Variants in CCDC7 observed in about 807,000 individuals in gnomAD.
CCDC7 encodes coiled-coil domain-containing protein 7.
A neutral mutation model predicts 196.9 loss-of-function variants in CCDC7; 183 were observed. That is an observed-to-expected ratio of 0.93 (90% CI 0.82 to 1.05). CCDC7 has a LOEUF of 1.05. CCDC7 is among the 50% of genes least tolerant of loss of function. The probability of loss-of-function intolerance (pLI) is 0.00; values close to 1 mark genes in which losing one functional copy is unlikely to be tolerated. For synonymous variants in CCDC7, 525 were observed against 484.6 expected (o/e 1.08, Z -1.10); for missense variants, 1,540 against 1,482.2 (o/e 1.04, Z -0.64).
intron 41 of CCDC7, among the ~76,000 whole-genome samples, chr10:32,864,926 C>T (rs1191963774): frequency 6.6e-6 from 1 of 151,806 alleles, no homozygotes; most frequent in African/African-American, 2.4e-5. Context: ...TGTGTAACCA[C>T]CAAATAAACC....
At chr10:32,477,054 A>T (rs1173020982) in intron 8 of CCDC7, among the ~76,000 whole-genome samples, 1 of 66,832 alleles carries the variant, frequency 1.5e-5, no homozygotes, top group Non-Finnish European at 3.2e-5. Flanking sequence ...GAATAAAGTC[A>T]AACTTAACAT....
At chr10:32,565,389 C>A (rs1227208848) in intron 13 of CCDC7, among the ~76,000 whole-genome samples, 169 bp from the exon 15 acceptor site, 2 of 152,198 alleles carry the variant, frequency 1.3e-5, no homozygotes, top group East Asian at 3.8e-4. Context: ...CAATAGGAAG[C>A]TTTAGCTTCA....
intron 18 of CCDC7, among the ~76,000 whole-genome samples, chr10:32,591,943 G>A (rs1047354235): frequency 5.9e-5 from 9 of 152,150 alleles, no homozygotes; most frequent in Non-Finnish European, 1.3e-4. Context: ...CTGTTTTTTG[G>A]TTCTTATGAA....
chr10:32,555,651 G>A (rs1049960744), intron 13 of CCDC7, among the ~76,000 whole-genome samples: 8 of 151,966 alleles, frequency 5.3e-5, no homozygotes, highest in Non-Finnish European at 1.2e-4. Flanking sequence ...AAAAATTGTT[G>A]GTAGCCATTT....
intron 24 of CCDC7, among the ~76,000 whole-genome samples, chr10:32,711,115 G>GGTGT (rs201148511): frequency 6.9e-6 from 1 of 145,858 alleles, no homozygotes; most frequent in East Asian, 2.0e-4. Context: ...CATTGTTTCT[G>GGTGT]GTGTGTGTGT....
At chr10:32,480,013 T>C (rs921124118) in intron 8 of CCDC7, among the ~76,000 whole-genome samples, 1 of 152,106 alleles carries the variant, frequency 6.6e-6, no homozygotes, top group Non-Finnish European at 1.5e-5. Flanking sequence ...CACAGTAGTC[T>C]TTATCCTTTG....
At chr10:32,493,736 G>T (rs556974026) in intron 9 of CCDC7, among the ~76,000 whole-genome samples, 37 of 151,578 alleles carry the variant, frequency 2.4e-4, no homozygotes, top group African/African-American at 8.2e-4. Flanking sequence ...CATTTTTTTT[G>T]ATAACAGATG....
chr10:32,559,880 C>T (rs1370622273), intron 13 of CCDC7, among the ~76,000 whole-genome samples: 3 of 152,088 alleles, frequency 2.0e-5, no homozygotes, highest in Non-Finnish European at 2.9e-5. Flanking sequence ...CTCTGAGCTA[C>T]AGTAGGAAAT....
intron 9 of CCDC7, among the ~76,000 whole-genome samples, chr10:32,500,854 G>A (rs1172123433): frequency 1.3e-5 from 2 of 152,200 alleles, no homozygotes; most frequent in Non-Finnish European, 2.9e-5. Context: ...AGACCAGCCC[G>A]GCCAACACGG....
intron 23 of CCDC7, among the ~76,000 whole-genome samples, chr10:32,692,165 T>C (rs2077163772): frequency 6.6e-6 from 1 of 152,218 alleles, no homozygotes. Flanking sequence ...TTACAGGCTG[T>C]CCACCATTTT....
intron 18 of CCDC7, among the ~76,000 whole-genome samples, chr10:32,625,577 T>C (rs1325355597): frequency 6.6e-6 from 1 of 152,038 alleles, no homozygotes; most frequent in Non-Finnish European, 1.5e-5. Context: ...AAATATCACT[T>C]TTTATAGTGA....
chr10:32,681,863 C>T (rs1240734587), intron 21 of CCDC7, among the ~76,000 whole-genome samples: 1 of 151,468 alleles, frequency 6.6e-6, no homozygotes, highest in Non-Finnish European at 1.5e-5. Flanking sequence ...ATTTAGAATT[C>T]ATGGCAAATC....
intron 28 of CCDC7, among the ~76,000 whole-genome samples, chr10:32,745,587 A>C (rs1368694151): frequency 6.6e-6 from 1 of 152,180 alleles, no homozygotes; most frequent in African/African-American, 2.4e-5. Context: ...GACATTCATG[A>C]GGGACCTGCC....
chr10:32,537,126 TAA>T (rs1359009810), intron 11 of CCDC7, among the ~76,000 whole-genome samples: 1 of 152,172 alleles, frequency 6.6e-6, no homozygotes, highest in Non-Finnish European at 1.5e-5. Flanking sequence ...CAGCAGTGCA[TAA>T]GTCTTCCCTT....
At chr10:32,798,030 G>A (rs1248989505) in intron 29 of CCDC7, among the ~76,000 whole-genome samples, 25 of 152,156 alleles carry the variant, frequency 1.6e-4, no homozygotes, top group Non-Finnish European at 5.9e-5. Flanking sequence ...GAATACCTTG[G>A]TCAGAGGCAA....
At chr10:32,681,162 A>C (rs534044439) in intron 21 of CCDC7, among the ~76,000 whole-genome samples, 2 of 152,168 alleles carry the variant, frequency 1.3e-5, no homozygotes, top group Non-Finnish European at 2.9e-5. Flanking sequence ...TCACTCTCTC[A>C]GCTAGTAAGT....
chr10:32,731,811 T>C (rs2132802630), intron 28 of CCDC7, among the ~76,000 whole-genome samples: 1 of 152,312 alleles, frequency 6.6e-6, no homozygotes, highest in East Asian at 1.9e-4. Context: ...CCCAGCACTT[T>C]GGGAAGCCAA....
intron 29 of CCDC7, among the ~76,000 whole-genome samples, chr10:32,794,433 A>G (rs1467798435): frequency 2.6e-5 from 4 of 152,198 alleles, no homozygotes; most frequent in Non-Finnish European, 5.9e-5. Context: ...CTTTGTGTAT[A>G]TAACCAACAG....
intron 28 of CCDC7, among the ~76,000 whole-genome samples, chr10:32,743,525 T>C (rs1209152224): frequency 6.6e-6 from 1 of 152,228 alleles, no homozygotes; most frequent in Admixed American, 6.5e-5. Context: ...TTCTAGGGTT[T>C]TTATGGTTTT....
Sources: allele counts gnomAD v4.1 joint callset (sites outside exome capture counted in the v4.1 genomes callset), GRCh38; gene constraint gnomAD v4.1.1; transcripts MANE v1.5; gene names NCBI Gene and HGNC (gene_info 2026-07-23, HGNC 2026-07-21).